The following KLHL29 variants were observed in gnomAD, a reference collection of about 807,000 sequenced individuals.
KLHL29 encodes kelch like family member 29.
KLHL29 carries 21 observed loss-of-function variants against 80.4 expected under a neutral mutation model. The observed-to-expected ratio is 0.26, with a 90% CI of 0.19 to 0.38. The LOEUF (loss-of-function observed/expected upper bound fraction) is 0.38, where lower values mean the gene tolerates loss of function less well. Ranked by LOEUF, KLHL29 falls within the 10% of genes least tolerant of loss-of-function variation. KLHL29 has a pLI of 1.00. For synonymous variants in KLHL29, 511 were observed against 526.8 expected (o/e 0.97, Z 0.41); for missense variants, 867 against 1,223.9 (o/e 0.71, Z 4.35).
intron 5 of KLHL29, among the ~76,000 whole-genome samples, chr2:23,657,308 T>G (rs1470419603): frequency 6.6e-6 from 1 of 152,224 alleles, no homozygotes; most frequent in Non-Finnish European, 1.5e-5. Context: ...TATTCAAGGC[T>G]CTCAGAATCC....
intron 1 of KLHL29, among the ~76,000 whole-genome samples, chr2:23,399,423 A>C (rs1666534073): frequency 6.6e-6 from 1 of 152,218 alleles, no homozygotes. Context: ...AAAAAAATAG[A>C]TTTCCAAACA....
chr2:23,478,914 C>T (rs951778366), intron 2 of KLHL29, among the ~76,000 whole-genome samples: 5 of 151,990 alleles, frequency 3.3e-5, no homozygotes, highest in South Asian at 2.1e-4. Context: ...CCACACCCCC[C>T]GCCTTTACTT....
intron 1 of KLHL29, among the ~76,000 whole-genome samples, chr2:23,443,389 C>T (rs1045295909): frequency 6.6e-6 from 1 of 152,106 alleles, no homozygotes; most frequent in Non-Finnish European, 1.5e-5. Flanking sequence ...TCAAATTTCC[C>T]GAGTGGCCAA....
chr2:23,433,139 C>T (rs938232682), intron 1 of KLHL29, among the ~76,000 whole-genome samples: 5 of 152,188 alleles, frequency 3.3e-5, no homozygotes, highest in African/African-American at 1.2e-4. Context: ...CTTGGGTCAG[C>T]GAGCGCTTTT....
At chr2:23,507,064 T>A in intron 2 of KLHL29, 1 of 431,284 alleles carries the variant, frequency 2.3e-6, no homozygotes, top group Middle Eastern at 4.7e-4. Context: ...GACCCTGGGG[T>A]TCTAATCAAA....
intron 1 of KLHL29, among the ~76,000 whole-genome samples, chr2:23,468,815 C>A (rs1418190080): frequency 6.6e-6 from 1 of 152,238 alleles, no homozygotes; most frequent in South Asian, 2.1e-4. Context: ...AGACTTCAGA[C>A]AAGAAACTGG....
chr2:23,534,610 T>C (rs1666606263), intron 2 of KLHL29, among the ~76,000 whole-genome samples: 2 of 152,104 alleles, frequency 1.3e-5, no homozygotes, highest in South Asian at 2.1e-4. Flanking sequence ...CTGCTCAGTG[T>C]CTCTCCAGCT....
chr2:23,626,745 A>C (rs1669319067), intron 3 of KLHL29, among the ~76,000 whole-genome samples: 1 of 152,216 alleles, frequency 6.6e-6, no homozygotes, highest in African/African-American at 2.4e-5. Flanking sequence ...ACGCCCCTGC[A>C]GGCGATGGGC....
chr2:23,484,402 C>T (rs1177167932), intron 2 of KLHL29, among the ~76,000 whole-genome samples: 1 of 152,178 alleles, frequency 6.6e-6, no homozygotes, highest in African/African-American at 2.4e-5. Flanking sequence ...CGTAAGGTAG[C>T]AGCAACAGCA....
chr2:23,571,395 G>A (rs777857976), intron 3 of KLHL29, among the ~76,000 whole-genome samples: 14 of 152,212 alleles, frequency 9.2e-5, no homozygotes, highest in Non-Finnish European at 1.8e-4. Context: ...TTTGCCCAAC[G>A]TTCATTTTCT....
At chr2:23,476,873 G>C (rs1664655751) in intron 2 of KLHL29, among the ~76,000 whole-genome samples, 1 of 152,240 alleles carries the variant, frequency 6.6e-6, no homozygotes, top group Non-Finnish European at 1.5e-5. Flanking sequence ...CGTGATCTGG[G>C]ATCTGCTTTA....
chr2:23,668,820 GC>G (rs1296829044), intron 5 of KLHL29: 2 of 152,006 alleles, frequency 1.3e-5, no homozygotes, highest in Non-Finnish European at 2.9e-5. Flanking sequence ...CTCCATCAAG[GC>G]CCCGCAGGGC....
At chr2:23,404,685 G>A (rs1257170362) in intron 1 of KLHL29, among the ~76,000 whole-genome samples, 2 of 152,212 alleles carry the variant, frequency 1.3e-5, no homozygotes, top group Non-Finnish European at 2.9e-5. Flanking sequence ...TTGCAATTGA[G>A]TTGTATGTAT....
In KLHL29 at chr2:23,462,048, C is replaced by T. The variant is rs544884408; in HGVS notation, c.-153-13512C>T. 4.7e-5 allele frequency among the ~76,000 whole-genome samples: 7 copies of T among 150,524 alleles called. No homozygotes were observed. In the East Asian group the frequency reaches 1.4e-3, roughly 29 times the overall value. ...TAATAGAAGGGGCTGCACCTGTGTT[C>T]CTTCCACCCATGAGAAGAGATTTTT... On this transcript the variant is annotated intron_variant, in intron 1 of 13. Transcript: ENST00000486442.
At chr2:23,582,241 A>G (rs907421854) in intron 3 of KLHL29, among the ~76,000 whole-genome samples, 1 of 152,232 alleles carries the variant, frequency 6.6e-6, no homozygotes, top group African/African-American at 2.4e-5. Flanking sequence ...GTTTTCAAAC[A>G]TTTTAATTAG....
rs561018857 is a variant in KLHL29 at position 23,428,652 on chromosome 2, T to G, written c.-154+42872T>G. Reference sequence around the variant, plus strand: ...TATGTTATATGATTGATACTCAGGGTTTCAGTGGCTGTTGTGAGTCAAATT... The same window carrying G: ...TATGTTATATGATTGATACTCAGGGGTTCAGTGGCTGTTGTGAGTCAAATT... On this transcript the variant is annotated intron_variant, in intron 1 of 13. Coordinates refer to ENST00000486442, the MANE Select transcript of KLHL29 (RefSeq NM_052920.2). Among the ~76,000 whole-genome samples the G allele has an allele frequency of 1.5e-3, 229 of 152,222 alleles. 1 individual carries two copies. Among genetic ancestry groups the G allele is most frequent in the South Asian group, 3.5e-3 (17 of 4,818 alleles).
chr2:23,638,945 C>G (rs910805058), intron 3 of KLHL29, among the ~76,000 whole-genome samples, 194 bp from the exon 4 acceptor site: 14 of 152,216 alleles, frequency 9.2e-5, no homozygotes, highest in Non-Finnish European at 1.5e-5. Context: ...GCTGCTACTA[C>G]TATGGCAGAA....
chr2:23,402,981 C>T (rs1289234869), intron 1 of KLHL29, among the ~76,000 whole-genome samples: 1 of 150,056 alleles, frequency 6.7e-6, no homozygotes, highest in Non-Finnish European at 1.5e-5. Flanking sequence ...TGTATATATA[C>T]ATATAGTTTT....
chr2:23,492,169 A>T (rs542935560), intron 2 of KLHL29, among the ~76,000 whole-genome samples: 1 of 152,192 alleles, frequency 6.6e-6, no homozygotes, highest in Non-Finnish European at 1.5e-5. Flanking sequence ...ACCACCCACG[A>T]TCACACTCTG....
Sources: gnomAD v4.1 joint callset for allele counts (sites outside exome capture counted in the v4.1 genomes callset) on GRCh38, gnomAD v4.1.1 for gene constraint, MANE v1.5 for transcripts, NCBI Gene and HGNC (gene_info 2026-07-23, HGNC 2026-07-21) for gene names.